Variants in FAM13C observed in about 807,000 individuals in gnomAD.
The protein encoded by FAM13C is family with sequence similarity 13 member C.
Under a neutral mutation model 73.2 loss-of-function variants are expected in FAM13C, and 37 were observed. The ratio of observed to expected loss-of-function variants is 0.51; its 90% CI spans 0.39 to 0.67. The LOEUF (loss-of-function observed/expected upper bound fraction) is 0.67. Ranked by LOEUF, FAM13C falls within the 30% of genes least tolerant of loss-of-function variation. The pLI is 0.00. For synonymous variants in FAM13C, 246 were observed against 260.9 expected (o/e 0.94, Z 0.55); for missense variants, 589 against 715.6 (o/e 0.82, Z 2.02).
At chr10:59,304,417 A>G (rs551744030) in intron 4 of FAM13C, among the ~76,000 whole-genome samples, 1 of 152,150 alleles carries the variant, frequency 6.6e-6, no homozygotes, top group Non-Finnish European at 1.5e-5. Context: ...CATCACTGTC[A>G]TGAAATCTTT....
At chr10:59,319,171 T>C (rs190720452) in intron 4 of FAM13C, among the ~76,000 whole-genome samples, 151 of 151,476 alleles carry the variant, frequency 1.0e-3, no homozygotes, top group African/African-American at 3.1e-3. Flanking sequence ...ATAGAAAAGT[T>C]GCTGCCAACA....
chr10:59,262,483 G>A lies in FAM13C; in HGVS notation c.1187C>T (p.Thr396Ile), dbSNP rs1246226608. ...SGEETPDAAL[T>I]CLKERREQLP... ...TTGCTCTCTTCTCTCCTTCAGGCATGTCAAGGCAGCATCTGGAGTCTCTTC... is the reference window on the plus strand; with the variant it reads ...TTGCTCTCTTCTCTCCTTCAGGCATATCAAGGCAGCATCTGGAGTCTCTTC... The change falls in exon 10 of 14, where the codon ACA becomes ATA. Residue 396 changes from threonine (T) to isoleucine (I), a missense_variant. Physicochemically the swap from Thr to Ile is moderately conservative, Grantham distance 89. Coordinates refer to ENST00000618804, the MANE Select transcript of FAM13C (RefSeq NM_198215.4). 6.2e-7 allele frequency: 1 copy of A among 1,613,756 alleles called. No homozygotes were observed. The highest frequency in any genetic ancestry group is 8.5e-7 in the Non-Finnish European group (1 of 1,179,772).
chr10:59,324,837 C>T (rs1850872848), intron 3 of FAM13C, among the ~76,000 whole-genome samples: 2 of 152,040 alleles, frequency 1.3e-5, no homozygotes, highest in Admixed American at 6.6e-5. Context: ...ATCCATGATG[C>T]AATTGCTCAT....
chr10:59,352,517 G>T, intron 2 of FAM13C, 43 bp from the exon 3 acceptor site: 1 of 1,522,284 alleles, frequency 6.6e-7, no homozygotes. Context: ...CTTAAAAAAA[G>T]ATGAATAAAC....
intron 3 of FAM13C, among the ~76,000 whole-genome samples, chr10:59,349,565 T>C (rs376531257): frequency 1.3e-4 from 19 of 151,944 alleles, no homozygotes; most frequent in Admixed American, 5.2e-4. Context: ...GAGACCAGCC[T>C]GGCCAACATG....
chr10:59,335,485 C>T (rs561398662), intron 3 of FAM13C, among the ~76,000 whole-genome samples: 26 of 152,126 alleles, frequency 1.7e-4, no homozygotes, highest in Non-Finnish European at 2.6e-4. Context: ...CCAATAGATA[C>T]CCCATGTCTC....
At chr10:59,307,152 G>A (rs1468742818) in intron 4 of FAM13C, among the ~76,000 whole-genome samples, 1 of 152,068 alleles carries the variant, frequency 6.6e-6, no homozygotes, top group African/African-American at 2.4e-5. Context: ...GAAGCTTGAG[G>A]TGAGACTGAA....
At chr10:59,319,449 T>C (rs551118737) in intron 4 of FAM13C, among the ~76,000 whole-genome samples, 1 of 152,364 alleles carries the variant, frequency 6.6e-6, no homozygotes, top group African/African-American at 2.4e-5. Context: ...GTCATAAATT[T>C]TAATACAATA....
chr10:59,258,782 C>G (rs1842187965), intron 10 of FAM13C, among the ~76,000 whole-genome samples: 1 of 152,144 alleles, frequency 6.6e-6, no homozygotes, highest in Non-Finnish European at 1.5e-5. Flanking sequence ...CCCTTTATCT[C>G]TAAGTCTACT....
At chr10:59,356,901 G>T (rs944195638) in intron 1 of FAM13C, among the ~76,000 whole-genome samples, 2 of 152,190 alleles carry the variant, frequency 1.3e-5, no homozygotes, top group African/African-American at 2.4e-5. Flanking sequence ...AAGCTGGAAA[G>T]AACAGACTTG....
intron 11 of FAM13C, 148 bp from the exon 12 acceptor site, chr10:59,253,146 A>T (rs1209889870): frequency 8.3e-6 from 6 of 719,660 alleles, no homozygotes; most frequent in Non-Finnish European, 9.3e-6. Context: ...GGAAGAAACC[A>T]AGAGGAGCTC....
In FAM13C at chr10:59,283,428, T is replaced by C. The variant is rs142933252; in HGVS notation, c.527A>G (p.His176Arg). 2 of 1,614,096 alleles carry C rather than the reference T, an allele frequency of 1.2e-6. No individual in the cohort carries two copies. Among genetic ancestry groups the C allele is most frequent in the Middle Eastern group, 1.6e-4 (1 of 6,084 alleles). The change falls in exon 6 of 14, where the codon CAT becomes CGT. Residue 176 changes from histidine (H) to arginine (R), a missense_variant. His to Arg is a conservative substitution (Grantham distance 29, BLOSUM62 0). Transcript: ENST00000618804. ...TGCTGGCGCCGGGTCCTTGACTCCA[T>C]GCACCTGAGCAGCTTCTTCCTGGTT... Reference protein sequence around the residue: ...DLNEEEAAQVHGVKDPAPAST... With the variant: ...DLNEEEAAQVRGVKDPAPAST...
In FAM13C at chr10:59,262,555, T is replaced by C; in HGVS notation, c.1115A>G (p.Glu372Gly). Residue 372 changes from glutamate to glycine, a missense_variant, in exon 10 of 14, where the codon GAA (glutamate) becomes GGA (glycine). Physicochemically the swap from Glu to Gly is moderately conservative, Grantham distance 98. Coordinates refer to ENST00000618804, the MANE Select transcript of FAM13C (RefSeq NM_198215.4). ...LLCEQPTVPR[E>G]NGKPEAAGPE... Reference sequence around the variant, plus strand: ...GCCCGCAGCTTCCGGTTTCCCATTTTCTCTGGGGACTGTGGGTTGCTCACA... The same window carrying C: ...GCCCGCAGCTTCCGGTTTCCCATTTCCTCTGGGGACTGTGGGTTGCTCACA... 6.2e-7 allele frequency: 1 copy of C among 1,613,746 alleles called. No individual in the cohort carries two copies. Among genetic ancestry groups the C allele is most frequent in the Non-Finnish European group, 8.5e-7 (1 of 1,179,766 alleles).
At chr10:59,351,398 T>C (rs956760058) in intron 3 of FAM13C, among the ~76,000 whole-genome samples, 11 of 151,882 alleles carry the variant, frequency 7.2e-5, no homozygotes, top group African/African-American at 2.7e-4. Context: ...TACATTCTTA[T>C]ACAAAAAAAG....
intron 1 of FAM13C, among the ~76,000 whole-genome samples, chr10:59,358,717 A>G (rs1022849253): frequency 6.6e-6 from 1 of 152,176 alleles, no homozygotes; most frequent in Non-Finnish European, 1.5e-5. Context: ...TGATTTATTA[A>G]TCTTTCTCCT....
chr10:59,349,325 T>C lies in FAM13C; in HGVS notation c.324+2945A>G, dbSNP rs188898062. On this transcript the variant is annotated intron_variant, in intron 3 of 13. Transcript: ENST00000618804. Reference sequence around the variant, plus strand: ...CCTCATAGTAAAGGACCAGACACTTTAAACAATTGACACTTCAAATGACAG... The same window carrying C: ...CCTCATAGTAAAGGACCAGACACTTCAAACAATTGACACTTCAAATGACAG... Among the ~76,000 whole-genome samples the C allele has an allele frequency of 3.0e-3, 454 of 152,308 alleles. 6 individuals are homozygous for C. Among genetic ancestry groups the C allele is most frequent in the African/African-American group, 0.011 (443 of 41,550 alleles).
intron 5 of FAM13C, chr10:59,283,786 C>G (rs1270724677): frequency 9.9e-6 from 5 of 506,478 alleles, no homozygotes; most frequent in Admixed American, 3.1e-5. Flanking sequence ...TCTGGAGAAC[C>G]AATCTGAGAA....
At chr10:59,313,310 G>A (rs1849152997) in intron 4 of FAM13C, among the ~76,000 whole-genome samples, 1 of 152,126 alleles carries the variant, frequency 6.6e-6, no homozygotes, top group African/African-American at 2.4e-5. Flanking sequence ...ATCAAACACA[G>A]TTAGTTTCCA....
chr10:59,344,276 CT>C (rs1853951047), intron 3 of FAM13C, among the ~76,000 whole-genome samples: 1 of 120,396 alleles, frequency 8.3e-6, no homozygotes, highest in East Asian at 2.8e-4. Context: ...TAAACTACTT[CT>C]TTTTTTCTTT....
Sources: gnomAD v4.1 joint callset for allele counts (sites outside exome capture counted in the v4.1 genomes callset) on GRCh38, gnomAD v4.1.1 for gene constraint, MANE v1.5 for transcripts, NCBI Gene and HGNC (gene_info 2026-07-23, HGNC 2026-07-21) for gene names.